The following SLC25A12 variants were observed in gnomAD, a reference collection of about 807,000 sequenced individuals.
The protein encoded by SLC25A12 is electrogenic aspartate/glutamate antiporter SLC25A12, mitochondrial.
A neutral mutation model predicts 83.3 loss-of-function variants in SLC25A12; 32 were observed. That is an observed-to-expected ratio of 0.38 (90% confidence interval 0.29 to 0.52). SLC25A12 has a LOEUF of 0.52. SLC25A12 is among the 20% of genes least tolerant of loss of function. The pLI is 0.84. For synonymous variants in SLC25A12, 267 were observed against 291.1 expected, an observed-to-expected ratio of 0.92 and a Z score of 0.84; for missense variants, 611 against 835.6, an observed-to-expected ratio of 0.73 and a Z score of 3.31.
At chr2:171,788,181 A>G in intron 15 of SLC25A12, 1 of 495,768 alleles carries the variant, frequency 2.0e-6, no homozygotes, top group Non-Finnish European at 3.6e-6. Context: ...ATCACTCTAC[A>G]TTGCATGATC....
intron 15 of SLC25A12, 182 bp from the exon 16 acceptor site, chr2:171,788,129 C>A: frequency 1.7e-6 from 1 of 599,052 alleles, no homozygotes; most frequent in Non-Finnish European, 2.9e-6. Context: ...GCAGTGTGAT[C>A]AGGGGAAAAT....
At chr2:171,810,657 T>C (rs968867735) in intron 11 of SLC25A12, among the ~76,000 whole-genome samples, 1 of 152,182 alleles carries the variant, frequency 6.6e-6, no homozygotes, top group Non-Finnish European at 1.5e-5. Context: ...CATACACAGA[T>C]ACTGTACACT....
In SLC25A12 at chr2:171,787,965, CATTTA is replaced by C. The variant is rs1446891825; in HGVS notation, c.1586-23_1586-19del. ...TGGGACACCTTTCAGGAGAAAACCA[CATTTA>C]ATTTATCTAGAGTACCTTATAAAAG... On this transcript the variant is annotated intron_variant, in intron 15 of 17. Transcript: ENST00000422440. 1 of 1,613,874 alleles carries C rather than the reference CATTTA, an allele frequency of 6.2e-7. No homozygotes were observed.
intron 9 of SLC25A12, 52 bp downstream of exon 9, chr2:171,826,746 C>G (rs372239203): frequency 1.5e-4 from 149 of 995,656 alleles, no homozygotes; most frequent in Non-Finnish European, 2.1e-4. Flanking sequence ...CCTATTTAGT[C>G]TACTAGTTCA....
At chr2:171,837,909 T>A (rs552653794) in intron 5 of SLC25A12, among the ~76,000 whole-genome samples, 1 of 152,308 alleles carries the variant, frequency 6.6e-6, no homozygotes, top group African/African-American at 2.4e-5. Context: ...TCATAAACTG[T>A]AAGACAGTCC....
chr2:171,837,272 G>T lies in SLC25A12; in HGVS notation c.466-5C>A. The T allele has an allele frequency of 6.2e-7, 1 of 1,613,942 alleles. No homozygotes were observed. The highest frequency in any genetic ancestry group is 8.5e-7 in the Non-Finnish European group (1 of 1,179,900). ...TGCATGTTCCAATTGCAGCTCCTGT[G>T]AGGAAATTAGAAATAGGGCATTAAG... is the stretch of plus-strand genomic sequence containing the variant. On this transcript the variant is annotated splice_polypyrimidine_tract_variant and splice_region_variant and intron_variant, in intron 5 of 17. Coordinates refer to ENST00000422440, the MANE Select transcript of SLC25A12 (RefSeq NM_003705.5).
At chr2:171,787,535 T>A in intron 17 of SLC25A12, 36 bp downstream of exon 17, 2 of 1,464,998 alleles carry the variant, frequency 1.4e-6, no homozygotes, top group Non-Finnish European at 1.9e-6. Context: ...TTGGACTTAG[T>A]GATTTCTTTG....
intron 13 of SLC25A12, among the ~76,000 whole-genome samples, chr2:171,806,132 C>T (rs1341320057): frequency 6.6e-6 from 1 of 151,916 alleles, no homozygotes; most frequent in African/African-American, 2.4e-5. Flanking sequence ...GAAAAACAAA[C>T]AAACAAAAAA....
chr2:171,809,667 T>C lies in SLC25A12; in HGVS notation c.1244A>G (p.Asp415Gly). 1.2e-6 allele frequency: 2 copies of C among 1,613,970 alleles called. No homozygotes were observed. Among genetic ancestry groups the C allele is most frequent in the Non-Finnish European group, 1.7e-6 (2 of 1,179,844 alleles). The change falls in exon 13 of 18, where the codon GAC becomes GGC. Residue 415 changes from aspartate to glycine, a missense_variant. Around this residue, in one of 3 missense-constraint regions of SLC25A12, gnomAD observed 540 missense variants for 777.5 expected, o/e 0.69. Transcript: ENST00000422440. ...AGAGCCATCTCTTCTGGTAAATTTG[T>C]CCCGAACAAAATCATTAACCTAATT... ...IKLTVNDFVR[D>G]KFTRRDGSVP...
intron 2 of SLC25A12, among the ~76,000 whole-genome samples, chr2:171,873,977 G>A (rs1685509645): frequency 6.6e-6 from 1 of 152,148 alleles, no homozygotes; most frequent in African/African-American, 2.4e-5. Flanking sequence ...TGTAATCCCA[G>A]CACTTTGGGA....
At chr2:171,889,532 G>A (rs940988505) in intron 2 of SLC25A12, among the ~76,000 whole-genome samples, 3 of 152,140 alleles carry the variant, frequency 2.0e-5, no homozygotes, top group African/African-American at 7.2e-5. Flanking sequence ...AAAGCTGCCA[G>A]AATTCACCAC....
Position 171,785,237 on chromosome 2 carries a change from T to C in SLC25A12, c.*37A>G, listed in dbSNP as rs1195608934. The stretch of plus-strand genomic sequence containing the variant: ...GGGCTGCTCTCCTAGGCCTCTTTCT[T>C]CAAGGCGCCATTTTGCCACACTCAA... On this transcript the variant is annotated 3_prime_UTR_variant, in exon 18 of 18. Coordinates refer to ENST00000422440, the MANE Select transcript of SLC25A12 (RefSeq NM_003705.5). 3 of 1,604,330 alleles carry C rather than the reference T, an allele frequency of 1.9e-6. No individual in the cohort carries two copies. The Admixed American group carries it at 5.0e-5, about 27-fold the overall frequency.
intron 2 of SLC25A12, among the ~76,000 whole-genome samples, chr2:171,883,034 G>C (rs1403456361): frequency 6.6e-6 from 1 of 152,132 alleles, no homozygotes; most frequent in Non-Finnish European, 1.5e-5. Context: ...ATCGGTATTT[G>C]TCAATAACTT....
intron 3 of SLC25A12, among the ~76,000 whole-genome samples, chr2:171,867,695 C>T (rs975661226): frequency 4.6e-5 from 7 of 152,146 alleles, no homozygotes; most frequent in Non-Finnish European, 8.8e-5. Flanking sequence ...ATTACACTAA[C>T]CCGTAAGTCA....
At chr2:171,788,332 G>A (rs1308252292) in intron 15 of SLC25A12, 2 of 229,812 alleles carry the variant, frequency 8.7e-6, no homozygotes, top group South Asian at 5.7e-5. Flanking sequence ...AAATGATAAT[G>A]TCATCTTAGT....
chr2:171,815,171 A>G lies in SLC25A12; in HGVS notation c.962T>C (p.Leu321Pro). 1 of 1,613,926 alleles carries G rather than the reference A, an allele frequency of 6.2e-7. No homozygotes were observed. The highest frequency in any genetic ancestry group is 1.1e-5 in the South Asian group (1 of 91,074). Reference sequence around the variant, plus strand: ...TCTGTAAGCAGACTCGGCAATCTGGAGCCAGATAGGCCTGCCTAACCCAGG... The same window carrying G: ...TCTGTAAGCAGACTCGGCAATCTGGGGCCAGATAGGCCTGCCTAACCCAGG... ...QSPGLGRPIW[L>P]QIAESAYRFT... Residue 321 changes from leucine (L) to proline (P), a missense_variant, in exon 10 of 18, where the codon CTC becomes CCC. Around this residue, in one of 3 missense-constraint regions of SLC25A12, gnomAD observed 540 missense variants for 777.5 expected, o/e 0.69. Transcript: ENST00000422440.
intron 9 of SLC25A12, among the ~76,000 whole-genome samples, chr2:171,819,582 T>C (rs989294794): frequency 3.4e-5 from 5 of 148,930 alleles, no homozygotes; most frequent in Non-Finnish European, 7.4e-5. Flanking sequence ...AATCTAATAA[T>C]TTAAATGAGT....
intron 2 of SLC25A12, among the ~76,000 whole-genome samples, chr2:171,885,074 G>A (rs1003403145): frequency 6.6e-5 from 10 of 151,534 alleles, no homozygotes; most frequent in Admixed American, 2.6e-4. Context: ...TTAGCTGGGC[G>A]TGGTGGCGGG....
intron 6 of SLC25A12, among the ~76,000 whole-genome samples, chr2:171,836,369 CAAG>C (rs1320679094): frequency 6.6e-6 from 1 of 152,146 alleles, no homozygotes; most frequent in Non-Finnish European, 1.5e-5. Flanking sequence ...AACGCATAGA[CAAG>C]AAAACGGGTA....
Sources: allele counts gnomAD v4.1 joint callset (sites outside exome capture counted in the v4.1 genomes callset), GRCh38; gene constraint gnomAD v4.1.1; regional missense constraint gnomAD v4.1.1; transcripts MANE v1.5; gene names NCBI Gene and HGNC (gene_info 2026-07-23, HGNC 2026-07-21).